Variants in GOLPH3 observed in about 807,000 individuals in gnomAD.
GOLPH3 encodes golgi phosphoprotein 3, also known as coat protein GPP34.
In GOLPH3, 14 loss-of-function variants were observed where a neutral mutation model predicts 28.5. That is an observed-to-expected ratio of 0.49 (90% CI 0.32 to 0.77). The LOEUF (loss-of-function observed/expected upper bound fraction) is 0.77, where lower values mean the gene tolerates loss of function less well. Among genes scored for constraint, GOLPH3 ranks in the 30% least tolerant of loss-of-function variants. GOLPH3 has a pLI of 0.03. For synonymous variants in GOLPH3, 158 were observed against 159.2 expected, an observed-to-expected ratio of 0.99 and a Z score of 0.06; for missense variants, 350 against 393.7, an observed-to-expected ratio of 0.89 and a Z score of 0.94.
chr5:32,143,967 C>A, intron 1 of GOLPH3, 87 bp from the exon 2 acceptor site: 1 of 843,756 alleles, frequency 1.2e-6, no homozygotes. Flanking sequence ...CAGCCAAAGT[C>A]ATATTTGGTG....
At chr5:32,132,095 G>T (rs1040791847) in intron 3 of GOLPH3, among the ~76,000 whole-genome samples, 2 of 152,204 alleles carry the variant, frequency 1.3e-5, no homozygotes, top group African/African-American at 2.4e-5. Context: ...GGTCAAGACT[G>T]CAGTGAGCTG....
chr5:32,153,458 ATAC>A (rs1746355739), intron 1 of GOLPH3, among the ~76,000 whole-genome samples: 1 of 151,914 alleles, frequency 6.6e-6, no homozygotes, highest in Non-Finnish European at 1.5e-5. Context: ...AAACAACCGT[ATAC>A]TACTTAGTGA....
intron 1 of GOLPH3, among the ~76,000 whole-genome samples, chr5:32,156,341 T>C (rs1296031535): frequency 6.6e-6 from 1 of 151,838 alleles, no homozygotes; most frequent in African/African-American, 2.4e-5. Context: ...CTGTCTCTAG[T>C]AAAAATAGAA....
chr5:32,170,453 A>T (rs1746806810), intron 1 of GOLPH3, among the ~76,000 whole-genome samples: 1 of 152,234 alleles, frequency 6.6e-6, no homozygotes, highest in Non-Finnish European at 1.5e-5. Context: ...TAAAGTTCTT[A>T]GGAGAATCCA....
At chr5:32,130,363 TA>T (rs1745800077) in intron 3 of GOLPH3, among the ~76,000 whole-genome samples, 3 of 152,304 alleles carry the variant, frequency 2.0e-5, no homozygotes, top group South Asian at 4.1e-4. Context: ...AAAGCCTATT[TA>T]AAAAACTACA....
At chr5:32,134,146 C>T (rs1468923696) in intron 3 of GOLPH3, among the ~76,000 whole-genome samples, 2 of 152,158 alleles carry the variant, frequency 1.3e-5, no homozygotes, top group Admixed American at 6.5e-5. Context: ...CTTGATGAAG[C>T]ACCACTGGAG....
chr5:32,126,148 A>G lies in GOLPH3; in HGVS notation c.*64T>C, dbSNP rs1043446278. The G allele has an allele frequency of 2.0e-6, 3 of 1,469,820 alleles. No homozygotes were observed. The highest frequency in any genetic ancestry group is 4.6e-5 in the East Asian group (2 of 43,852). The allele number at this position is 1,469,820 out of a possible 1,614,324, so 91.0% of individuals were successfully genotyped here. A position where few individuals can be genotyped will look rare whatever the true frequency, so the allele number is the denominator to read the frequency against. On this transcript the variant is annotated 3_prime_UTR_variant, in exon 4 of 4. Transcript: ENST00000265070. Reference sequence around the variant, plus strand: ...AAAGTACAAATTACAGAAAACCAGAAGTCAACAGAAGAAAAACTACTGGTT... The same window carrying G: ...AAAGTACAAATTACAGAAAACCAGAGGTCAACAGAAGAAAAACTACTGGTT...
intron 2 of GOLPH3, 128 bp from the exon 3 acceptor site, chr5:32,135,814 C>T: frequency 1.6e-6 from 1 of 612,684 alleles, no homozygotes; most frequent in Non-Finnish European, 2.9e-6. Flanking sequence ...CATGTAGTAT[C>T]AAAGTTCAGA....
In GOLPH3 at chr5:32,135,655, T is replaced by A. The variant is rs1745916465; in HGVS notation, c.389A>T (p.Asp130Val). Residue 130 changes from aspartate to valine, a missense_variant, in exon 3 of 4, where the codon GAT becomes GTT. Asp to Val is a radical substitution (Grantham distance 152, BLOSUM62 -3). Transcript: ENST00000265070. ...VICKSDAPTG[D>V]VLLDEALKHV... is the part of the protein sequence containing the mutation. ...CTTCAGAGCTTCATCAAGAAGAACA[T>A]CCCCTGTTGGAGCATCTGACTTACA... The A allele has an allele frequency of 1.9e-6, 3 of 1,613,472 alleles. No homozygotes were observed. The highest frequency in any genetic ancestry group is 2.5e-6 in the Non-Finnish European group (3 of 1,179,464).
At chr5:32,172,144 T>C (rs1746850324) in intron 1 of GOLPH3, among the ~76,000 whole-genome samples, 1 of 152,158 alleles carries the variant, frequency 6.6e-6, no homozygotes, top group African/African-American at 2.4e-5. Context: ...AGCAGCCCTT[T>C]CACAGCCAGA....
At chr5:32,156,125 A>C (rs1278242670) in intron 1 of GOLPH3, among the ~76,000 whole-genome samples, 2 of 151,990 alleles carry the variant, frequency 1.3e-5, no homozygotes, top group South Asian at 4.2e-4. Flanking sequence ...TGAGGATGCA[A>C]TGAGAAGACA....
At chr5:32,162,270 A>G (rs1746599989) in intron 1 of GOLPH3, among the ~76,000 whole-genome samples, 1 of 150,880 alleles carries the variant, frequency 6.6e-6, no homozygotes, top group Admixed American at 6.6e-5. Flanking sequence ...AGGTGGGCGG[A>G]TCACGAGGTC....
intron 1 of GOLPH3, among the ~76,000 whole-genome samples, chr5:32,170,191 T>C (rs1293703954): frequency 6.6e-6 from 1 of 152,146 alleles, no homozygotes; most frequent in Non-Finnish European, 1.5e-5. Flanking sequence ...TGGATGAATC[T>C]CACATTGAAC....
intron 3 of GOLPH3, among the ~76,000 whole-genome samples, chr5:32,128,223 A>G (rs941007500): frequency 6.6e-6 from 1 of 152,244 alleles, no homozygotes; most frequent in Non-Finnish European, 1.5e-5. Context: ...TAGAGCTGGG[A>G]AAAATGTGAT....
At chr5:32,135,487 T>G in intron 3 of GOLPH3, 85 bp downstream of exon 3, 1 of 804,990 alleles carries the variant, frequency 1.2e-6, no homozygotes, top group African/African-American at 1.7e-5. Flanking sequence ...CTTCTGGCTA[T>G]TTTGTGTAGG....
chr5:32,164,728 C>T (rs1746668056), intron 1 of GOLPH3, among the ~76,000 whole-genome samples: 1 of 151,828 alleles, frequency 6.6e-6, no homozygotes, highest in South Asian at 2.1e-4. Flanking sequence ...ACGCCCAGAA[C>T]CAAGTTTCAC....
intron 1 of GOLPH3, among the ~76,000 whole-genome samples, chr5:32,168,915 C>G (rs187524453): frequency 6.6e-6 from 1 of 151,408 alleles, no homozygotes; most frequent in East Asian, 1.9e-4. Flanking sequence ...GCTATGATCT[C>G]GCCACTGTAC....
chr5:32,127,463 G>C (rs16899829), intron 3 of GOLPH3, among the ~76,000 whole-genome samples: 1,705 of 152,292 alleles, frequency 0.011, 34 homozygotes, highest in African/African-American at 0.039. Flanking sequence ...GTAAGGTCGA[G>C]ATTTTCTAAT....
At chr5:32,145,194 C>T (rs1183812951) in intron 1 of GOLPH3, among the ~76,000 whole-genome samples, 4 of 152,176 alleles carry the variant, frequency 2.6e-5, no homozygotes, top group African/African-American at 9.6e-5. Flanking sequence ...ACCAAGCTAC[C>T]ACTTCTGAGA....
Sources: allele counts gnomAD v4.1 joint callset (sites outside exome capture counted in the v4.1 genomes callset), GRCh38; gene constraint gnomAD v4.1.1; transcripts MANE v1.5; gene names NCBI Gene and HGNC (gene_info 2026-07-23, HGNC 2026-07-21).